Variants in ZNF770 observed in about 807,000 individuals in gnomAD.
ZNF770 encodes the protein zinc finger protein 770.
In ZNF770, 13 loss-of-function variants were observed where a neutral mutation model predicts 44.8. The observed-to-expected ratio is 0.29, with a 90% CI of 0.19 to 0.46. ZNF770 has a LOEUF of 0.46. Among genes scored for constraint, ZNF770 ranks in the 20% least tolerant of loss-of-function variants. The pLI is 1.00. For synonymous variants in ZNF770, 304 were observed against 271.8 expected (o/e 1.12, Z -1.17); for missense variants, 681 against 797.9 (o/e 0.85, Z 1.77).
chr15:34,981,308 G>A lies in ZNF770; in HGVS notation c.*51C>T, dbSNP rs1250473487. The A allele has an allele frequency of 1.3e-6, 2 of 1,501,198 alleles. No homozygotes were observed. The highest frequency in any genetic ancestry group is 8.8e-7 in the Non-Finnish European group (1 of 1,129,988). The allele number at this position is 1,501,198 out of a possible 1,614,324, so 93.0% of individuals were successfully genotyped here. ...TAAAAATGCATTTTAAATAATACAG[G>A]CTTTAAAAATAAGATCACCAGAGAC... is the stretch of plus-strand genomic sequence containing the variant. On this transcript the variant is annotated 3_prime_UTR_variant, in exon 3 of 3. Coordinates refer to ENST00000356321, the MANE Select transcript of ZNF770 (RefSeq NM_014106.4).
rs766945468 is a variant in ZNF770, at chr15:34,979,672, C to A, written c.*1687G>T. The A allele has an allele frequency of 1.3e-5, 6 of 449,272 alleles. No individual in the cohort carries two copies. The highest frequency in any genetic ancestry group is 1.8e-5 in the Non-Finnish European group (4 of 224,350). The allele number at this position is 449,272 out of a possible 1,614,324, so 27.8% of individuals were successfully genotyped here. On this transcript the variant is annotated 3_prime_UTR_variant, in exon 3 of 3. Transcript: ENST00000356321. ...CACCTACTATCCCTCCCGCCTCCCC[C>A]CTGTCAAAAGAAAGTTCTCAGTTTA...
rs1323200136 is a variant in ZNF770 at position 34,982,621 on chromosome 15, T to C, written c.814A>G (p.Asn272Asp). Residue 272 changes from asparagine (N) to aspartate (D), a missense_variant, in exon 3 of 3, where the codon AAT (asparagine) becomes GAT (aspartate). This residue lies in a region of ZNF770 where 432 missense variants were observed against 434.1 expected (regional missense o/e 1.00). Coordinates refer to ENST00000356321, the MANE Select transcript of ZNF770 (RefSeq NM_014106.4). ...KLNANQGGFENGEIGESEENN... is the reference protein window; with the variant it reads ...KLNANQGGFEDGEIGESEENN... ...TCCTCAGATTCACCAATCTCACCAT[T>C]TTCAAAACCACCCTGATTTGCATTT... 1.2e-6 allele frequency: 2 copies of C among 1,613,178 alleles called. No individual in the cohort carries two copies. Among genetic ancestry groups the C allele is most frequent in the East Asian group, 2.2e-5 (1 of 44,868 alleles).
chr15:34,979,666 C>T lies in ZNF770; in HGVS notation c.*1693G>A, dbSNP rs1157321805. On this transcript the variant is annotated 3_prime_UTR_variant, in exon 3 of 3. Transcript: ENST00000356321. ...CACCCCCACCTACTATCCCTCCCGC[C>T]TCCCCCCTGTCAAAAGAAAGTTCTC... 2.2e-6 allele frequency: 1 copy of T among 449,522 alleles called. No individual in the cohort carries two copies. The highest frequency in any genetic ancestry group is 1.6e-5 in the South Asian group (1 of 63,166). 27.8% of individuals were successfully genotyped at this position (449,522 alleles called of 1,614,324 possible). A position where few individuals can be genotyped will look rare whatever the true frequency, so the allele number is the denominator to read the frequency against.
In ZNF770 at chr15:34,988,135, G is replaced by A; in HGVS notation, c.-193C>T. 6.6e-6 allele frequency: 1 copy of A among 152,266 alleles called. No individual in the cohort carries two copies. Among genetic ancestry groups the A allele is most frequent in the South Asian group, 2.1e-4 (1 of 4,828 alleles). The allele number at this position is 152,266 out of a possible 1,614,324, so 9.4% of individuals were successfully genotyped here. A position where few individuals can be genotyped will look rare whatever the true frequency, so the allele number is the denominator to read the frequency against. ...AGGCACCTTGGCGGTATTGAGGCAG[G>A]TCCGACCCTCCCTGGGGGTCGCTCC... On this transcript the variant is annotated 5_prime_UTR_variant, in exon 1 of 3. Coordinates refer to ENST00000356321, the MANE Select transcript of ZNF770 (RefSeq NM_014106.4).
chr15:34,982,993 C>G lies in ZNF770; in HGVS notation c.442G>C (p.Asp148His). Residue 148 changes from aspartate (D) to histidine (H), a missense_variant, in exon 3 of 3, where the codon GAT becomes CAT. This residue lies in a region of ZNF770 where 432 missense variants were observed against 434.1 expected (regional missense o/e 1.00). Transcript: ENST00000356321. ...CTTCTTTTCATGCTATACATGGGAT[C>G]AGACTTAGAGCACGGGTGTAATGCC... Reference protein sequence around the residue: ...RWALHPCSKSDPMYSMKRRKN... With the variant: ...RWALHPCSKSHPMYSMKRRKN... 6.2e-7 allele frequency: 1 copy of G among 1,614,016 alleles called. No homozygotes were observed. The highest frequency in any genetic ancestry group is 8.5e-7 in the Non-Finnish European group (1 of 1,179,992).
chr15:34,982,957 G>A lies in ZNF770; in HGVS notation c.478C>T (p.His160Tyr), dbSNP rs751211312. ...ATCTTGCCACAGATTGTACATGCATGAATATTCTTTCTTCTTTTCATGCTA... is the reference window on the plus strand; with the variant it reads ...ATCTTGCCACAGATTGTACATGCATAAATATTCTTTCTTCTTTTCATGCTA... Reference protein sequence around the residue: ...MYSMKRRKNIHACTICGKMFP... With the variant: ...MYSMKRRKNIYACTICGKMFP... Residue 160 changes from histidine to tyrosine, a missense_variant, in exon 3 of 3, where the codon CAT (histidine) becomes TAT (tyrosine). His to Tyr is a moderately conservative substitution (Grantham distance 83). Coordinates refer to ENST00000356321, the MANE Select transcript of ZNF770 (RefSeq NM_014106.4). The A allele has an allele frequency of 6.2e-6, 10 of 1,613,872 alleles. No individual in the cohort carries two copies. The highest frequency in any genetic ancestry group is 3.3e-5 in the Admixed American group (2 of 60,000).
intron 2 of ZNF770, among the ~76,000 whole-genome samples, chr15:34,983,876 T>C (rs1032093532): frequency 6.6e-6 from 1 of 152,126 alleles, no homozygotes; most frequent in African/African-American, 2.4e-5. Flanking sequence ...AGGTAACAAA[T>C]CAAAACATAA....
chr15:34,986,309 T>C (rs546537468), intron 2 of ZNF770, among the ~76,000 whole-genome samples: 6 of 152,222 alleles, frequency 3.9e-5, no homozygotes, highest in Non-Finnish European at 8.8e-5. Context: ...AGTATAGTAG[T>C]AAAATATATC....
rs1395520443 is a variant in ZNF770 at position 34,982,694 on chromosome 15, A to G, written c.741T>C (p.Leu247=). The G allele has an allele frequency of 1.2e-6, 2 of 1,612,746 alleles. No individual in the cohort carries two copies. Among genetic ancestry groups the G allele is most frequent in the African/African-American group, 2.7e-5 (2 of 74,868 alleles). The part of the protein sequence containing the change: ...IHTRNKAFRA[L]LLKKRRTESR... ...ATTCTGTACGCCTCTTCTTTAATAA[A>G]AGAGCCCGAAAAGCCTTATTCCTAG... Residue 247 remains leucine, a synonymous_variant, in exon 3 of 3, where the codon CTT becomes CTC. Transcript: ENST00000356321.
At chr15:34,985,963 T>C (rs1261152828) in intron 2 of ZNF770, among the ~76,000 whole-genome samples, 1 of 152,058 alleles carries the variant, frequency 6.6e-6, no homozygotes, top group African/African-American at 2.4e-5. Context: ...TCAGACTGCA[T>C]ACTATATAGC....
At position 34,980,996 on chromosome 15, in the gene ZNF770, G is replaced by A. The variant is rs1302925249; in HGVS notation, c.*363C>T. 5.5e-6 allele frequency: 1 copy of A among 182,238 alleles called. No homozygotes were observed. The highest frequency in any genetic ancestry group is 2.4e-5 in the African/African-American group (1 of 42,128). The allele number at this position is 182,238 out of a possible 1,614,324, so 11.3% of individuals were successfully genotyped here. The stretch of plus-strand genomic sequence containing the variant: ...GCCAAGTTTTGCCTCTCAGTCTTTT[G>A]AGTATATCTAAAAAGAGATGGCATG... On this transcript the variant is annotated 3_prime_UTR_variant, in exon 3 of 3. Transcript: ENST00000356321.
In ZNF770 at chr15:34,981,992, C is replaced by G; in HGVS notation, c.1443G>C (p.Glu481Asp). The part of the protein sequence containing the change: ...RHKICPCDKC[E>D]KVFPSISKLK... The stretch of plus-strand genomic sequence containing the variant: ...GTTTGGATATAGAAGGAAATACCTT[C>G]TCACATTTGTCACAAGGACATATCT... The change falls in exon 3 of 3, where the codon GAG (glutamate) becomes GAC (aspartate). Residue 481 changes from glutamate (E) to aspartate (D), a missense_variant. Glu to Asp is a conservative substitution (Grantham distance 45). Transcript: ENST00000356321. 6.2e-7 allele frequency: 1 copy of G among 1,613,766 alleles called. No homozygotes were observed.
chr15:34,982,116 A>C lies in ZNF770; in HGVS notation c.1319T>G (p.Leu440Trp). Reference sequence around the variant, plus strand: ...CTCACCTGATGAACCACAGATTGACAAGTCTTTCTTATTCACTGAATTATC... The same window carrying C: ...CTCACCTGATGAACCACAGATTGACCAGTCTTTCTTATTCACTGAATTATC... Reference protein sequence around the residue: ...SIDNSVNKKDLSICGSSGEEF... With the variant: ...SIDNSVNKKDWSICGSSGEEF... Residue 440 changes from leucine (L) to tryptophan (W), a missense_variant, in exon 3 of 3, where the codon TTG (leucine) becomes TGG (tryptophan). Around this residue, in one of 5 missense-constraint regions of ZNF770, gnomAD observed 432 missense variants for 434.1 expected, o/e 1.00. Coordinates refer to ENST00000356321, the MANE Select transcript of ZNF770 (RefSeq NM_014106.4). 1 of 1,614,050 alleles carries C rather than the reference A, an allele frequency of 6.2e-7. No homozygotes were observed.
rs781364644 is a variant in ZNF770 at position 34,983,303 on chromosome 15, C to T, written c.132G>A (p.Arg44=). 14 of 1,613,258 alleles carry T rather than the reference C, an allele frequency of 8.7e-6. No individual in the cohort carries two copies. In the East Asian group the frequency reaches 1.1e-4, roughly 13 times the overall value. ...KHFETPSKLA[R]HYLIHTGQKP... ...TTTGACCAGTATGAATGAGATAGTG[C>T]CTAGCTAATTTTGATGGTGTTTCAA... Residue 44 remains arginine (R), a synonymous_variant, in exon 3 of 3, where the codon AGG becomes AGA. Transcript: ENST00000356321.
At chr15:34,985,961 C>G (rs2050431675) in intron 2 of ZNF770, among the ~76,000 whole-genome samples, 1 of 151,892 alleles carries the variant, frequency 6.6e-6, no homozygotes, top group Non-Finnish European at 1.5e-5. Flanking sequence ...TATCAGACTG[C>G]ATACTATATA....
In ZNF770 at chr15:34,981,059, A is replaced by T; in HGVS notation, c.*300T>A. The T allele has an allele frequency of 3.5e-6, 1 of 283,372 alleles. No individual in the cohort carries two copies. 17.6% of individuals were successfully genotyped at this position (283,372 alleles called of 1,614,324 possible). ...ATTCCTTTAAAAAATGAATGAGGCT[A>T]AATTATTTGTACAGCCATCATGGAT... On this transcript the variant is annotated 3_prime_UTR_variant, in exon 3 of 3. Transcript: ENST00000356321.
rs755882125 is a variant in ZNF770 at position 34,981,352 on chromosome 15, C to T, written c.*7G>A. 1.7e-5 allele frequency: 27 copies of T among 1,597,808 alleles called. No homozygotes were observed. Among genetic ancestry groups the T allele is most frequent in the African/African-American group, 4.0e-5 (3 of 74,514 alleles). ...CAGAGACCACAATTGTTAGTGGTTG[C>T]GACAATTTACATAACCGAATCTAAG... On this transcript the variant is annotated 3_prime_UTR_variant, in exon 3 of 3. Coordinates refer to ENST00000356321, the MANE Select transcript of ZNF770 (RefSeq NM_014106.4).
chr15:34,984,370 A>G (rs530699658), intron 2 of ZNF770, among the ~76,000 whole-genome samples: 12 of 152,276 alleles, frequency 7.9e-5, no homozygotes, highest in South Asian at 2.1e-4. Context: ...GGTTTTAAAA[A>G]TTTCTCACCT....
Position 34,982,990 on chromosome 15 carries a change from G to C in ZNF770, c.445C>G (p.Pro149Ala). The C allele has an allele frequency of 1.2e-6, 2 of 1,613,978 alleles. No individual in the cohort carries two copies. Among genetic ancestry groups the C allele is most frequent in the African/African-American group, 1.3e-5 (1 of 75,022 alleles). The stretch of plus-strand genomic sequence containing the variant: ...TTTCTTCTTTTCATGCTATACATGG[G>C]ATCAGACTTAGAGCACGGGTGTAAT... ...WALHPCSKSD[P>A]MYSMKRRKNI... The change falls in exon 3 of 3, where the codon CCC (proline) becomes GCC (alanine). Residue 149 changes from proline to alanine, a missense_variant. Around this residue, in one of 5 missense-constraint regions of ZNF770, gnomAD observed 432 missense variants for 434.1 expected, o/e 1.00. Transcript: ENST00000356321.
Sources: allele counts gnomAD v4.1 joint callset (sites outside exome capture counted in the v4.1 genomes callset), GRCh38; gene constraint gnomAD v4.1.1; regional missense constraint gnomAD v4.1.1; transcripts MANE v1.5; gene names NCBI Gene and HGNC (gene_info 2026-07-23, HGNC 2026-07-21).